ZNF341: variants seen among roughly 807,000 people sequenced by gnomAD.
ZNF341 encodes the protein zinc finger protein 341.
Under a neutral mutation model 87.7 loss-of-function variants are expected in ZNF341, and 52 were observed. That is an observed-to-expected ratio of 0.59 (90% CI 0.47 to 0.75). The LOEUF (loss-of-function observed/expected upper bound fraction) is 0.75, where lower values mean the gene tolerates loss of function less well. Among genes scored for constraint, ZNF341 ranks in the 30% least tolerant of loss-of-function variants. The pLI is 0.00. For synonymous variants in ZNF341, 459 were observed against 472.7 expected (o/e 0.97, Z 0.38); for missense variants, 977 against 1,145.9 (o/e 0.85, Z 2.13).
chr20:33,786,905 T>C (rs1430383867), intron 12 of ZNF341, among the ~76,000 whole-genome samples: 1 of 149,658 alleles, frequency 6.7e-6, no homozygotes, highest in Non-Finnish European at 1.5e-5. Flanking sequence ...GAGATGGAGG[T>C]TGCAGTGAGC....
At chr20:33,753,609 C>T (rs542291218) in intron 5 of ZNF341, among the ~76,000 whole-genome samples, 186 bp downstream of exon 5, 19 of 152,242 alleles carry the variant, frequency 1.2e-4, no homozygotes, top group Non-Finnish European at 2.6e-4. Flanking sequence ...AAGCATCACA[C>T]CCACAGATGT....
rs1849071321 is a variant in ZNF341, at chr20:33,770,729, C to A, written c.1622+437C>A. On this transcript the variant is annotated intron_variant, in intron 10 of 14. Coordinates refer to ENST00000375200, the MANE Select transcript of ZNF341 (RefSeq NM_001282933.2). ...GGTGTGGCGGCCCACATCTGTAACC[C>A]CAGTACTTTGGGAGGCCAAGGCAGA... 2.0e-5 allele frequency among the ~76,000 whole-genome samples: 3 copies of A among 152,174 alleles called. No individual in the cohort carries two copies. In the South Asian group the frequency reaches 6.2e-4, roughly 32 times the overall value.
chr20:33,789,655 G>T, intron 14 of ZNF341, 67 bp downstream of exon 14: 1 of 1,537,564 alleles, frequency 6.5e-7, no homozygotes, highest in Non-Finnish European at 9.0e-7. Flanking sequence ...AGACCCGCCA[G>T]GAAGAGAAAG....
intron 12 of ZNF341, among the ~76,000 whole-genome samples, chr20:33,785,043 C>G (rs1014934152): frequency 3.9e-5 from 6 of 152,134 alleles, no homozygotes; most frequent in Admixed American, 3.3e-4. Context: ...ATTTTCTTTT[C>G]TATTAATCTT....
intron 4 of ZNF341, among the ~76,000 whole-genome samples, chr20:33,749,912 C>G (rs912110803): frequency 6.6e-6 from 1 of 151,836 alleles, no homozygotes; most frequent in Non-Finnish European, 1.5e-5. Flanking sequence ...GCCACCACGC[C>G]CAGCTGATTT....
chr20:33,746,754 G>A (rs2018934519), intron 3 of ZNF341, among the ~76,000 whole-genome samples: 1 of 152,186 alleles, frequency 6.6e-6, no homozygotes, highest in African/African-American at 2.4e-5. Context: ...TGGTGAGAAA[G>A]TGTGAGATTT....
chr20:33,757,202 C>T lies in ZNF341; in HGVS notation c.796C>T (p.Pro266Ser). The change falls in exon 6 of 15, where the codon CCT (proline) becomes TCT (serine). Residue 266 changes from proline (P) to serine (S), a missense_variant. Physicochemically the swap from Pro to Ser is moderately conservative, Grantham distance 74. This residue lies in a region of ZNF341 where 515 missense variants were observed against 598.2 expected (regional missense o/e 0.86). Coordinates refer to ENST00000375200, the MANE Select transcript of ZNF341 (RefSeq NM_001282933.2). Reference sequence around the variant, plus strand: ...ATATCCCACCCCCACAGTGTACAGCCCTGGCAAACAGGGATTCAAACCCAA... The same window carrying T: ...ATATCCCACCCCCACAGTGTACAGCTCTGGCAAACAGGGATTCAAACCCAA... ...PVYPTPTVYS[P>S]GKQGFKPKGP... 1 of 1,599,182 alleles carries T rather than the reference C, an allele frequency of 6.3e-7. No homozygotes were observed. The highest frequency in any genetic ancestry group is 8.5e-7 in the Non-Finnish European group (1 of 1,173,628).
intron 3 of ZNF341, 118 bp from the exon 4 acceptor site, chr20:33,748,805 C>T: frequency 2.0e-6 from 2 of 991,366 alleles, no homozygotes; most frequent in Admixed American, 2.6e-5. Flanking sequence ...ATCTTTTGTG[C>T]CATGCCCTCG....
At chr20:33,737,864 G>A (rs1555870856) in intron 1 of ZNF341, among the ~76,000 whole-genome samples, 1 of 152,062 alleles carries the variant, frequency 6.6e-6, no homozygotes, top group Non-Finnish European at 1.5e-5. Flanking sequence ...GGGGCCAGGT[G>A]CGGTGGCTCA....
At chr20:33,734,340 A>C (rs1242268063) in intron 1 of ZNF341, among the ~76,000 whole-genome samples, 2 of 152,188 alleles carry the variant, frequency 1.3e-5, no homozygotes, top group African/African-American at 2.4e-5. Flanking sequence ...GGGGAGCAGC[A>C]CAATGTGATG....
At chr20:33,788,997 G>A (rs750826057) in intron 13 of ZNF341, 23 bp downstream of exon 13, 6 of 1,593,848 alleles carry the variant, frequency 3.8e-6, no homozygotes, top group African/African-American at 2.7e-5. Context: ...TGCCATGCAG[G>A]GGGGTGGGTA....
chr20:33,746,228 C>CTTTTT (rs34461652), intron 3 of ZNF341, among the ~76,000 whole-genome samples: 7 of 104,096 alleles, frequency 6.7e-5, no homozygotes, highest in African/African-American at 2.4e-4. Context: ...CGCGCCCGGC[C>CTTTTT]TTTTTTTTTT....
chr20:33,756,001 T>C (rs960731566), intron 5 of ZNF341, among the ~76,000 whole-genome samples: 3 of 152,080 alleles, frequency 2.0e-5, no homozygotes, highest in Non-Finnish European at 4.4e-5. Flanking sequence ...GGTGGGTGGA[T>C]CACTTAAGCT....
At position 33,741,002 on chromosome 20, in the gene ZNF341, C is replaced by T; in HGVS notation, c.132C>T (p.Ile44=). The stretch of plus-strand genomic sequence containing the variant: ...AGAGTGTCAATGCGCCCCCTGCTAT[C>T]CAGCCATTGGGTGAGTATCTGCTCA... ...TGQSVNAPPA[I]QPLDDEDVFL... is the part of the protein sequence containing the mutation. Residue 44 remains isoleucine (I), a synonymous_variant, in exon 2 of 15, where the codon ATC becomes ATT. Coordinates refer to ENST00000375200, the MANE Select transcript of ZNF341 (RefSeq NM_001282933.2). 1.9e-6 allele frequency: 3 copies of T among 1,614,132 alleles called. No individual in the cohort carries two copies. The highest frequency in any genetic ancestry group is 2.5e-6 in the Non-Finnish European group (3 of 1,179,968).
intron 14 of ZNF341, among the ~76,000 whole-genome samples, chr20:33,790,711 A>G (rs956198254): frequency 6.6e-5 from 10 of 152,148 alleles, no homozygotes; most frequent in Admixed American, 2.6e-4. Context: ...GACCTGGCAA[A>G]GCGAGCCAAG....
At chr20:33,788,999 G>A (rs780229498) in intron 13 of ZNF341, 25 bp downstream of exon 13, 12 of 1,592,032 alleles carry the variant, frequency 7.5e-6, no homozygotes, top group Non-Finnish European at 1.0e-5. Flanking sequence ...CCATGCAGGG[G>A]GGTGGGTAGC....
At chr20:33,764,526 T>C (rs2019358925) in intron 8 of ZNF341, among the ~76,000 whole-genome samples, 1 of 130,222 alleles carries the variant, frequency 7.7e-6, no homozygotes, top group South Asian at 2.5e-4. Context: ...TGTATATATA[T>C]GTGTGTGTGT....
At chr20:33,758,580 C>A in intron 6 of ZNF341, 136 bp from the exon 7 acceptor site, 1 of 634,098 alleles carries the variant, frequency 1.6e-6, no homozygotes, top group Non-Finnish European at 2.8e-6. Flanking sequence ...CCCATGTCTC[C>A]TCCCTGGCCT....
intron 11 of ZNF341, 93 bp from the exon 12 acceptor site, chr20:33,783,639 T>C (rs533030062): frequency 2.4e-5 from 37 of 1,574,174 alleles, no homozygotes; most frequent in Middle Eastern, 2.0e-4. Flanking sequence ...GGTGTCTCTA[T>C]AGGGGCTGGA....
Sources: gnomAD v4.1 joint callset for allele counts (sites outside exome capture counted in the v4.1 genomes callset) on GRCh38, gnomAD v4.1.1 for gene constraint, gnomAD v4.1.1 regional missense constraint, MANE v1.5 for transcripts, NCBI Gene and HGNC (gene_info 2026-07-23, HGNC 2026-07-21) for gene names.